Variants in POT1 observed in about 807,000 individuals in gnomAD.
The protein encoded by POT1 is protection of telomeres protein 1.
In POT1, 47 loss-of-function variants were observed where a neutral mutation model predicts 78.5. That is an observed-to-expected ratio of 0.60 (90% CI 0.47 to 0.76). The LOEUF (loss-of-function observed/expected upper bound fraction) is 0.76, where lower values mean the gene tolerates loss of function less well. POT1 is among the 30% of genes least tolerant of loss of function. The pLI, the probability that POT1 is intolerant of heterozygous loss-of-function variation, is 0.00. For missense variants in POT1, 646 were observed against 749.9 expected, an observed-to-expected ratio of 0.86 and a Z score of 1.62; for synonymous variants, 259 against 260.7, an observed-to-expected ratio of 0.99 and a Z score of 0.06.
chr7:124,900,075 T>A (rs1796582323), intron 3 of POT1, among the ~76,000 whole-genome samples: 1 of 152,200 alleles, frequency 6.6e-6, no homozygotes, highest in African/African-American at 2.4e-5. Flanking sequence ...CAGTTTTTTT[T>A]AATTGAAATG....
chr7:124,868,779 ATAT>A (rs1443016697), intron 7 of POT1, among the ~76,000 whole-genome samples: 1 of 150,172 alleles, frequency 6.7e-6, no homozygotes, highest in Non-Finnish European at 1.5e-5. Context: ...ATAATTCAAT[ATAT>A]TATATTCAAT....
chr7:124,907,442 C>A (rs1563017061), intron 3 of POT1, among the ~76,000 whole-genome samples: 1 of 152,020 alleles, frequency 6.6e-6, no homozygotes, highest in South Asian at 2.1e-4. Context: ...CTTCACCCCC[C>A]ACAAAATTAA....
chr7:124,825,160 G>A (rs1233524550), intron 18 of POT1, 92 bp downstream of exon 18: 1 of 719,586 alleles, frequency 1.4e-6, no homozygotes, highest in African/African-American at 1.8e-5. Context: ...TGGAAGCAAA[G>A]CTTTCAGACT....
In POT1 at chr7:124,842,965, T is replaced by G; in HGVS notation, c.1007-2A>C. 6.5e-7 allele frequency: 1 copy of G among 1,543,828 alleles called. No individual in the cohort carries two copies. Among genetic ancestry groups the G allele is most frequent in the South Asian group, 1.2e-5 (1 of 80,006 alleles). ...CCAAATACTGATGATCTGTAAGTAC[T>G]GTAAAGAATTTTTATATTCAATCAG... On this transcript the variant is annotated splice_acceptor_variant, in intron 12 of 18. Coordinates refer to ENST00000357628, the MANE Select transcript of POT1 (RefSeq NM_015450.3). LOFTEE classifies it high-confidence loss of function.
chr7:124,890,935 T>C (rs1436585201), intron 6 of POT1, among the ~76,000 whole-genome samples: 2 of 151,924 alleles, frequency 1.3e-5, no homozygotes, highest in South Asian at 2.1e-4. Context: ...ACGAGTTATG[T>C]ATACTGGAGA....
intron 8 of POT1, among the ~76,000 whole-genome samples, chr7:124,861,146 A>G (rs1000760134): frequency 6.6e-5 from 10 of 152,114 alleles, no homozygotes; most frequent in African/African-American, 1.7e-4. Flanking sequence ...AGTGTTAAAC[A>G]GTATTTCTGG....
At chr7:124,907,973 AATAATAGC>A (rs1796804840) in intron 3 of POT1, among the ~76,000 whole-genome samples, 1 of 152,080 alleles carries the variant, frequency 6.6e-6, no homozygotes, top group Non-Finnish European at 1.5e-5. Flanking sequence ...TCAACAGGCA[AATAATAGC>A]ATAAACTACA....
At chr7:124,843,019 A>T (rs1795068485) in intron 12 of POT1, 56 bp from the exon 13 acceptor site, 5 of 1,232,144 alleles carry the variant, frequency 4.1e-6, no homozygotes, top group Non-Finnish European at 5.6e-6. Context: ...TATGACATGC[A>T]TCCTCCTGAA....
At chr7:124,882,362 G>T (rs1217638081) in intron 6 of POT1, among the ~76,000 whole-genome samples, 1 of 151,986 alleles carries the variant, frequency 6.6e-6, no homozygotes, top group East Asian at 1.9e-4. Context: ...ATTATGTGCT[G>T]TCATCTTACT....
At chr7:124,915,274 A>G (rs758921436) in intron 3 of POT1, among the ~76,000 whole-genome samples, 1 of 152,148 alleles carries the variant, frequency 6.6e-6, no homozygotes, top group Non-Finnish European at 1.5e-5. Flanking sequence ...GCTTACCATG[A>G]TTACTTGAGG....
At chr7:124,825,387 AG>A (rs1489003540) in intron 17 of POT1, 30 bp from the exon 18 acceptor site, 2 of 1,365,062 alleles carry the variant, frequency 1.5e-6, no homozygotes, top group East Asian at 2.3e-5. Context: ...AGAAAAAAAA[AG>A]GAAATAATAT....
chr7:124,874,091 C>A (rs971760086), intron 6 of POT1, among the ~76,000 whole-genome samples: 1 of 152,192 alleles, frequency 6.6e-6, no homozygotes, highest in Non-Finnish European at 1.5e-5. Flanking sequence ...ATTTAACAAC[C>A]TTTCCATTTT....
intron 2 of POT1, among the ~76,000 whole-genome samples, chr7:124,925,660 A>C (rs745893842): frequency 1.1e-4 from 16 of 152,290 alleles, no homozygotes; most frequent in Non-Finnish European, 2.2e-4. Flanking sequence ...AGCAATCCTA[A>C]TCAAAAAGAA....
chr7:124,845,950 A>C (rs1350470278), intron 12 of POT1, among the ~76,000 whole-genome samples: 3 of 152,136 alleles, frequency 2.0e-5, no homozygotes, highest in African/African-American at 7.2e-5. Flanking sequence ...CTTACTTTCT[A>C]GTACAAGGTT....
intron 5 of POT1, among the ~76,000 whole-genome samples, chr7:124,895,498 G>C (rs1199635245): frequency 6.6e-6 from 1 of 151,648 alleles, no homozygotes; most frequent in Admixed American, 6.6e-5. Context: ...AGCCTGAAGA[G>C]AGAAAGACAC....
chr7:124,828,495 T>C (rs1254018388), intron 16 of POT1, among the ~76,000 whole-genome samples: 3 of 152,108 alleles, frequency 2.0e-5, no homozygotes, highest in Admixed American at 2.0e-4. Flanking sequence ...TAAGAATAAA[T>C]TAGGACATAC....
chr7:124,851,631 T>C (rs1249258994), intron 11 of POT1, among the ~76,000 whole-genome samples: 2 of 152,208 alleles, frequency 1.3e-5, no homozygotes, highest in Non-Finnish European at 2.9e-5. Context: ...TACACACATA[T>C]GATATGTATA....
At chr7:124,874,276 T>C (rs2116577143) in intron 6 of POT1, among the ~76,000 whole-genome samples, 1 of 152,214 alleles carries the variant, frequency 6.6e-6, no homozygotes, top group Non-Finnish European at 1.5e-5. Context: ...GCTGAAAATT[T>C]CAATCAATAT....
chr7:124,920,958 G>A (rs919123459), intron 2 of POT1, among the ~76,000 whole-genome samples: 46 of 151,990 alleles, frequency 3.0e-4, no homozygotes, highest in Admixed American at 2.7e-3. Context: ...TTAGCTGGGC[G>A]TGGTGGCATG....
Sources: gnomAD v4.1 joint callset for allele counts (sites outside exome capture counted in the v4.1 genomes callset) on GRCh38, gnomAD v4.1.1 for gene constraint, MANE v1.5 for transcripts, NCBI Gene and HGNC (gene_info 2026-07-23, HGNC 2026-07-21) for gene names.